The following TSHR variants were observed in gnomAD, a reference collection of about 807,000 sequenced individuals.
TSHR encodes thyroid stimulating hormone receptor.
TSHR carries 51 observed loss-of-function variants against 64.1 expected under a neutral mutation model. That is an observed-to-expected ratio of 0.80 (90% CI 0.64 to 1.01). The LOEUF is 1.01. Ranked by LOEUF, TSHR falls within the 50% of genes least tolerant of loss-of-function variation. The pLI is 0.00. For synonymous variants in TSHR, 361 were observed against 361.9 expected, an observed-to-expected ratio of 1.00 and a Z score of 0.03; for missense variants, 877 against 942.8, an observed-to-expected ratio of 0.93 and a Z score of 0.91.
intron 1 of TSHR, among the ~76,000 whole-genome samples, chr14:80,981,491 G>A (rs7147839): frequency 0.057 from 8,636 of 152,094 alleles, 782 homozygotes; most frequent in African/African-American, 0.2. Context: ...TGGGCGTGTG[G>A]AGGCTGTGAC....
At chr14:80,985,057 TG>T (rs1180260908) in intron 1 of TSHR, among the ~76,000 whole-genome samples, 3 of 152,276 alleles carry the variant, frequency 2.0e-5, no homozygotes, top group African/African-American at 7.2e-5. Context: ...GAGACCATCC[TG>T]GCTAACATGG....
intron 8 of TSHR, among the ~76,000 whole-genome samples, chr14:81,126,407 T>C (rs532662346): frequency 6.6e-6 from 1 of 152,308 alleles, no homozygotes; most frequent in African/African-American, 2.4e-5. Context: ...CCTCAAATGG[T>C]CATGCATTTT....
chr14:80,983,486 A>G (rs1461244696), intron 1 of TSHR: 1 of 1,359,998 alleles, frequency 7.4e-7, no homozygotes, highest in Admixed American at 1.8e-5. Context: ...TTAACCATAA[A>G]GAGGCAAAAG....
rs986448516 is a variant in TSHR at position 81,115,824 on chromosome 14, T to C, written c.692+7372T>C. 3.9e-3 allele frequency among the ~76,000 whole-genome samples: 596 copies of C among 152,098 alleles called. 5 individuals carry two copies. The highest frequency in any genetic ancestry group is 0.013 in the African/African-American group (559 of 41,500). ...AAAGGGAAGCCCATCAGACTAACAG[T>C]GGATCTCTCGGCAGAAACCCTACAA... On this transcript the variant is annotated intron_variant, in intron 8 of 9. Transcript: ENST00000298171.
chr14:81,034,743 T>C (rs1884535572), intron 1 of TSHR, among the ~76,000 whole-genome samples: 1 of 152,206 alleles, frequency 6.6e-6, no homozygotes, highest in Non-Finnish European at 1.5e-5. Flanking sequence ...TAGAATCGTT[T>C]TGGGGTTTGC....
At position 81,096,669 on chromosome 14, in the gene TSHR, C is replaced by A. The variant is rs1454985938; in HGVS notation, c.576C>A (p.Val192=). 1.5e-5 allele frequency: 24 copies of A among 1,613,764 alleles called. No individual in the cohort carries two copies. Among genetic ancestry groups the A allele is most frequent in the Non-Finnish European group, 2.0e-5 (24 of 1,179,832 alleles). ...TGTACAACAATGGCTTTACTTCAGT[C>A]CAAGGATATGCTTTCAATGGGACAA... The part of the protein sequence containing the change: ...LKLYNNGFTS[V]QGYAFNGTKL... The change falls in exon 7 of 10, where the codon GTC becomes GTA. Residue 192 remains valine (V), a synonymous_variant. Coordinates refer to ENST00000298171, the MANE Select transcript of TSHR (RefSeq NM_000369.5).
intron 1 of TSHR, among the ~76,000 whole-genome samples, chr14:81,004,606 AG>A (rs1425886111): frequency 6.6e-6 from 1 of 152,174 alleles, no homozygotes; most frequent in Non-Finnish European, 1.5e-5. Flanking sequence ...TACCAAAGAC[AG>A]TTAGGTAGCA....
chr14:80,966,097 T>C lies in TSHR; in HGVS notation c.170+10247T>C, dbSNP rs548191561. 2.6e-5 allele frequency among the ~76,000 whole-genome samples: 4 copies of C among 152,368 alleles called. No homozygotes were observed. In the South Asian group the frequency reaches 6.2e-4, roughly 24 times the overall value. ...TTATATTTTGTAGGCATTAACTTAA[T>C]CTTACCCATGCCTGTGTGTTCTCAT... On this transcript the variant is annotated intron_variant, in intron 1 of 9. Transcript: ENST00000298171.
chr14:81,108,371 CTAGTTACCTAAA>C lies in TSHR; in HGVS notation c.615-3_623del. The C allele has an allele frequency of 6.2e-7, 1 of 1,610,052 alleles. No individual in the cohort carries two copies. The highest frequency in any genetic ancestry group is 8.5e-7 in the Non-Finnish European group (1 of 1,177,006). On this transcript the variant is annotated splice_acceptor_variant and splice_polypyrimidine_tract_variant and coding_sequence_variant and intron_variant, in exon 8 of 10. Transcript: ENST00000298171. LOFTEE classifies it high-confidence loss of function. ...TCTCTCTCTCTTTCTCTCTCTCCCT[CTAGTTACCTAAA>C]CAAGAATAAATACCTGACAGTTATT...
At chr14:81,108,895 T>C in intron 8 of TSHR, 1 of 1,431,004 alleles carries the variant, frequency 7.0e-7, no homozygotes, top group Non-Finnish European at 9.1e-7. Flanking sequence ...GTGGAAGAAC[T>C]TACAATCATG....
intron 8 of TSHR, among the ~76,000 whole-genome samples, chr14:81,137,583 A>G (rs751395813): frequency 2.6e-5 from 4 of 152,152 alleles, no homozygotes; most frequent in Non-Finnish European, 5.9e-5. Context: ...GAGTCATCCC[A>G]GACTCCAGAT....
chr14:81,008,682 T>A (rs555933247), intron 1 of TSHR, among the ~76,000 whole-genome samples: 10 of 152,358 alleles, frequency 6.6e-5, no homozygotes, highest in African/African-American at 2.2e-4. Flanking sequence ...CCTTAAAATG[T>A]GAAGAATTGC....
intron 3 of TSHR, among the ~76,000 whole-genome samples, chr14:81,069,560 G>A (rs1219699586): frequency 6.6e-6 from 1 of 152,138 alleles, no homozygotes; most frequent in Non-Finnish European, 1.5e-5. Flanking sequence ...TGAATTGTAA[G>A]CAAAAGCTTA....
At chr14:81,005,819 G>T (rs904944738) in intron 1 of TSHR, among the ~76,000 whole-genome samples, 6 of 152,176 alleles carry the variant, frequency 3.9e-5, no homozygotes, top group African/African-American at 1.4e-4. Flanking sequence ...TAAATAATTT[G>T]ACCTCTGCTT....
intron 1 of TSHR, among the ~76,000 whole-genome samples, chr14:81,041,690 C>T (rs1884932029): frequency 6.6e-6 from 1 of 151,952 alleles, no homozygotes; most frequent in Admixed American, 6.6e-5. Flanking sequence ...AAATTTTGGT[C>T]AATGATAGCA....
rs180833837 is a variant in TSHR at position 81,043,291 on chromosome 14, C to A, written c.171-18857C>A. On this transcript the variant is annotated intron_variant, in intron 1 of 9. Transcript: ENST00000298171. ...AATCACTAGCATTCCTGTACACAAA[C>A]AACAGGCAAGCAGAGAGCCAAATCA... Among the ~76,000 whole-genome samples, 240 of 152,054 alleles carry A rather than the reference C, an allele frequency of 1.6e-3. 1 individual carries two copies. The highest frequency in any genetic ancestry group is 5.5e-3 in the African/African-American group (228 of 41,470).
intron 1 of TSHR, among the ~76,000 whole-genome samples, chr14:81,057,783 T>C (rs1885929962): frequency 6.6e-6 from 1 of 152,152 alleles, no homozygotes; most frequent in Admixed American, 6.5e-5. Context: ...AGTGGGAAGT[T>C]TGGTGTTTCT....
intron 3 of TSHR, among the ~76,000 whole-genome samples, chr14:81,078,458 C>T (rs114987304): frequency 0.01 from 1,554 of 152,116 alleles, 29 homozygotes; most frequent in African/African-American, 0.035. Flanking sequence ...TATATCTTTG[C>T]TTTTCAACTG....
intron 1 of TSHR, among the ~76,000 whole-genome samples, chr14:80,966,774 A>G (rs1887319581): frequency 6.6e-6 from 1 of 152,104 alleles, no homozygotes; most frequent in South Asian, 2.1e-4. Flanking sequence ...TTACACAATA[A>G]CCATTTACTT....
Sources: allele counts gnomAD v4.1 joint callset (sites outside exome capture counted in the v4.1 genomes callset), GRCh38; gene constraint gnomAD v4.1.1; transcripts MANE v1.5; gene names NCBI Gene and HGNC (gene_info 2026-07-23, HGNC 2026-07-21).